The following NQO1 variants were observed in gnomAD, a reference collection of about 807,000 sequenced individuals.
NQO1 encodes the protein NAD(P)H dehydrogenase [quinone] 1.
A neutral mutation model predicts 32.1 loss-of-function variants in NQO1; 30 were observed. The observed-to-expected ratio is 0.94, with a 90% CI of 0.70 to 1.27. NQO1 has a LOEUF of 1.27. NQO1 is among the 50% of genes most tolerant of loss of function. The pLI, the probability that NQO1 is intolerant of heterozygous loss-of-function variation, is 0.00. For missense variants in NQO1, 276 were observed against 331.3 expected (o/e 0.83, Z 1.30); for synonymous variants, 109 against 119.7 (o/e 0.91, Z 0.59).
intron 1 of NQO1, among the ~76,000 whole-genome samples, 195 bp downstream of exon 1, chr16:69,726,238 T>C (rs1222588613): frequency 1.3e-5 from 2 of 152,044 alleles, no homozygotes; most frequent in African/African-American, 4.8e-5. Context: ...TGAGGAAGGA[T>C]CCGCGACACC....
At chr16:69,720,567 G>A (rs2038176181) in intron 1 of NQO1, among the ~76,000 whole-genome samples, 1 of 149,708 alleles carries the variant, frequency 6.7e-6, no homozygotes, top group African/African-American at 2.5e-5. Flanking sequence ...GTCTCACTCT[G>A]TTGCCCAGGC....
chr16:69,715,535 A>G (rs940307755), intron 3 of NQO1, among the ~76,000 whole-genome samples: 5 of 152,240 alleles, frequency 3.3e-5, no homozygotes, highest in African/African-American at 7.2e-5. Flanking sequence ...TGGGAGGCCA[A>G]GGCGGGTGGA....
chr16:69,718,472 C>G lies in NQO1; in HGVS notation c.70G>C (p.Glu24Gln), dbSNP rs2151745451. 1 of 1,614,160 alleles carries G rather than the reference C, an allele frequency of 6.2e-7. No individual in the cohort carries two copies. The highest frequency in any genetic ancestry group is 2.2e-5 in the East Asian group (1 of 44,886). ...ERTSFNYAMKEAAAAALKKKG... is the reference protein window; with the variant it reads ...ERTSFNYAMKQAAAAALKKKG... ...TTCTTCAAAGCCGCTGCAGCAGCCT[C>G]CTTCATGGCATAGTTGAAGGACGTC... is the stretch of plus-strand genomic sequence containing the variant. The change falls in exon 2 of 6, where the codon GAG becomes CAG. Residue 24 changes from glutamate to glutamine, a missense_variant. Transcript: ENST00000320623.
At chr16:69,724,001 TAGGAG>T (rs1334017221) in intron 1 of NQO1, among the ~76,000 whole-genome samples, 1 of 151,902 alleles carries the variant, frequency 6.6e-6, no homozygotes, top group East Asian at 1.9e-4. Flanking sequence ...ATTAGTGTGT[TAGGAG>T]AGGTAAGGGA....
At chr16:69,711,435 T>C (rs2038039543) in intron 5 of NQO1, among the ~76,000 whole-genome samples, 154 bp from the exon 6 acceptor site, 1 of 152,140 alleles carries the variant, frequency 6.6e-6, no homozygotes, top group South Asian at 2.1e-4. Flanking sequence ...GTCTCTCTCT[T>C]ACCCTCTACC....
intron 3 of NQO1, chr16:69,717,847 G>T: frequency 2.9e-6 from 1 of 348,942 alleles, no homozygotes; most frequent in Non-Finnish European, 5.4e-6. Flanking sequence ...TCTTGACCTT[G>T]TGATTCACCT....
chr16:69,718,730 C>T (rs1314723947), intron 1 of NQO1, among the ~76,000 whole-genome samples, 196 bp from the exon 2 acceptor site: 9 of 152,132 alleles, frequency 5.9e-5, no homozygotes, highest in African/African-American at 2.2e-4. Context: ...AAATCAGTGG[C>T]TGATTTAATA....
Position 69,710,737 on chromosome 16 carries a change from T to TC in NQO1, c.*238dup, listed in dbSNP as rs1417792645. ...TTAAAGAACATTTTTCTAGCATCTT[T>TC]CTACATCTTTCCCTAAGTGGCCTCT... On this transcript the variant is annotated 3_prime_UTR_variant, in exon 6 of 6. Coordinates refer to ENST00000320623, the MANE Select transcript of NQO1 (RefSeq NM_000903.3). 2 of 518,354 alleles carry TC rather than the reference T, an allele frequency of 3.9e-6. No individual in the cohort carries two copies. Among genetic ancestry groups the TC allele is most frequent in the African/African-American group, 3.8e-5 (2 of 52,274 alleles). The allele number at this position is 518,354 out of a possible 1,614,324, so 32.1% of individuals were successfully genotyped here.
intron 3 of NQO1, among the ~76,000 whole-genome samples, chr16:69,716,092 C>T (rs776737958): frequency 6.6e-6 from 1 of 151,830 alleles, no homozygotes; most frequent in African/African-American, 2.4e-5. Flanking sequence ...TGCTTGAGCC[C>T]AGGAGTTGGA....
In NQO1 at chr16:69,715,494, G is replaced by A. The variant is rs567775198; in HGVS notation, c.304-417C>T. Among the ~76,000 whole-genome samples the A allele has an allele frequency of 2.9e-4, 44 of 152,352 alleles. 1 individual carries two copies. Among genetic ancestry groups the A allele is most frequent in the African/African-American group, 1.0e-3 (42 of 41,574 alleles). On this transcript the variant is annotated intron_variant, in intron 3 of 5. Coordinates refer to ENST00000320623, the MANE Select transcript of NQO1 (RefSeq NM_000903.3). ...TCAACAATATGACTGTTGGCCAGGC[G>A]CAGTGGCTCAAGCCTGTAATCCCAG... is the stretch of plus-strand genomic sequence containing the variant.
rs1314043983 is a variant in NQO1 at position 69,710,895 on chromosome 16, A to G, written c.*81T>C. The G allele has an allele frequency of 7.7e-6, 11 of 1,432,096 alleles. No homozygotes were observed. Among genetic ancestry groups the G allele is most frequent in the Non-Finnish European group, 8.5e-6 (9 of 1,058,576 alleles). 88.7% of individuals were successfully genotyped at this position (1,432,096 alleles called of 1,614,324 possible). On this transcript the variant is annotated 3_prime_UTR_variant, in exon 6 of 6. Coordinates refer to ENST00000320623, the MANE Select transcript of NQO1 (RefSeq NM_000903.3). ...GTGGAAAAAGAAAAACACAAATCTT[A>G]AAAACTAAAGCAAGTCAGGGAAGCC...
chr16:69,719,477 G>A (rs1203793887), intron 1 of NQO1, among the ~76,000 whole-genome samples: 1 of 152,164 alleles, frequency 6.6e-6, no homozygotes, highest in East Asian at 1.9e-4. Flanking sequence ...ATATTTTGCT[G>A]TTAACAAGAA....
chr16:69,718,008 T>G, intron 3 of NQO1, 115 bp downstream of exon 3: 1 of 1,365,978 alleles, frequency 7.3e-7, no homozygotes, highest in Middle Eastern at 1.9e-4. Flanking sequence ...CACCCTTATT[T>G]GCAGAGAATG....
chr16:69,718,634 G>A, intron 1 of NQO1, 100 bp from the exon 2 acceptor site: 1 of 1,209,668 alleles, frequency 8.3e-7, no homozygotes, highest in Non-Finnish European at 1.2e-6. Context: ...GGGCGGCTTT[G>A]TTTGACATTA....
chr16:69,722,303 C>T lies in NQO1; in HGVS notation c.8-3769G>A, dbSNP rs945267656. ...CTCAGCCTCCGAATAGCTGGGATTA[C>T]AGGCGCGTGCCACCACGCCCGGCTA... On this transcript the variant is annotated intron_variant, in intron 1 of 5. Transcript: ENST00000320623. Among the ~76,000 whole-genome samples, 4 of 152,148 alleles carry T rather than the reference C, an allele frequency of 2.6e-5. No homozygotes were observed. The East Asian group carries it at 7.7e-4, about 29-fold the overall frequency.
intron 1 of NQO1, among the ~76,000 whole-genome samples, chr16:69,725,318 C>A (rs575356946): frequency 1.3e-5 from 2 of 152,308 alleles, no homozygotes; most frequent in South Asian, 4.1e-4. Flanking sequence ...TTACAAAACA[C>A]AGGATTCTGC....
chr16:69,721,975 C>T (rs1386734054), intron 1 of NQO1, among the ~76,000 whole-genome samples: 2 of 152,030 alleles, frequency 1.3e-5, no homozygotes, highest in Non-Finnish European at 2.9e-5. Flanking sequence ...TGTACTCCAG[C>T]CTGGGCGACA....
chr16:69,709,861 A>C lies in NQO1; in HGVS notation c.*1115T>G, dbSNP rs2038013636. The C allele has an allele frequency of 5.0e-6, 2 of 398,498 alleles. No homozygotes were observed. The highest frequency in any genetic ancestry group is 8.8e-6 in the Non-Finnish European group (2 of 226,064). The allele number at this position is 398,498 out of a possible 1,614,324, so 24.7% of individuals were successfully genotyped here. A position where few individuals can be genotyped will look rare whatever the true frequency, so the allele number is the denominator to read the frequency against. On this transcript the variant is annotated 3_prime_UTR_variant, in exon 6 of 6. Transcript: ENST00000320623. Reference sequence around the variant, plus strand: ...TGGGACTGGACCCCATCCCATAGTAAGTCATCAGTTTAGCAATGATAAAGA... The same window carrying C: ...TGGGACTGGACCCCATCCCATAGTACGTCATCAGTTTAGCAATGATAAAGA...
At position 69,709,652 on chromosome 16, in the gene NQO1, T is replaced by C; in HGVS notation, c.*1324A>G. ...TGTCTCCCATTTTTCAGGCAACCTT[T>C]TCATCATTTCTCATCTCTTCTTTCA... is the stretch of plus-strand genomic sequence containing the variant. On this transcript the variant is annotated 3_prime_UTR_variant, in exon 6 of 6. Transcript: ENST00000320623. 1 of 396,152 alleles carries C rather than the reference T, an allele frequency of 2.5e-6. No homozygotes were observed. The allele number at this position is 396,152 out of a possible 1,614,324, so 24.5% of individuals were successfully genotyped here.
Sources: gnomAD v4.1 joint callset for allele counts (sites outside exome capture counted in the v4.1 genomes callset) on GRCh38, gnomAD v4.1.1 for gene constraint, MANE v1.5 for transcripts, NCBI Gene and HGNC (gene_info 2026-07-23, HGNC 2026-07-21) for gene names.